The following STRN variants were observed in gnomAD, a reference collection of about 807,000 sequenced individuals.
STRN encodes the protein striatin.
In STRN, 53 loss-of-function variants were observed where a neutral mutation model predicts 96.3. That is an observed-to-expected ratio of 0.55 (90% CI 0.44 to 0.69). STRN has a LOEUF of 0.69. Ranked by LOEUF, STRN falls within the 30% of genes least tolerant of loss-of-function variation. The pLI, the probability that STRN is intolerant of heterozygous loss-of-function variation, is 0.00. For synonymous variants in STRN, 428 were observed against 355.9 expected, an observed-to-expected ratio of 1.20 and a Z score of -2.28; for missense variants, 987 against 963.9, an observed-to-expected ratio of 1.02 and a Z score of -0.32.
chr2:36,915,572 TA>T (rs2148217949), intron 3 of STRN, among the ~76,000 whole-genome samples: 1 of 152,310 alleles, frequency 6.6e-6, no homozygotes, highest in South Asian at 2.1e-4. Flanking sequence ...GTTCAGCTGT[TA>T]AAACATGTTC....
Position 36,844,257 on chromosome 2 carries a change from CTT to C in STRN, c.*5197_*5198del, listed in dbSNP as rs1010784646. On this transcript the variant is annotated 3_prime_UTR_variant, in exon 18 of 18. Transcript: ENST00000263918. ...GTATTGTTTTCTCACAAGAGGCAAA[CTT>C]CAGCCAAACAATGAAGAGATAGTAG... 1.3e-5 allele frequency: 2 copies of C among 152,148 alleles called. No individual in the cohort carries two copies. Among genetic ancestry groups the C allele is most frequent in the African/African-American group, 4.8e-5 (2 of 41,410 alleles). The allele number at this position is 152,148 out of a possible 1,614,324, so 9.4% of individuals were successfully genotyped here. A position where few individuals can be genotyped will look rare whatever the true frequency, so the allele number is the denominator to read the frequency against.
intron 13 of STRN, among the ~76,000 whole-genome samples, chr2:36,858,275 C>A (rs915687138): frequency 6.6e-6 from 1 of 151,948 alleles, no homozygotes; most frequent in East Asian, 1.9e-4. Flanking sequence ...TGAGTATTTC[C>A]TCCCCCTTCC....
rs528603487 is a variant in STRN at position 36,925,957 on chromosome 2, T to C, written c.235-749A>G. Among the ~76,000 whole-genome samples the C allele has an allele frequency of 9.2e-5, 14 of 152,260 alleles. 2 individuals are homozygous for C. The South Asian group carries it at 2.9e-3, about 32-fold the overall frequency. ...TCATATATTTAAATTTTATGACAGA[T>C]TCCTTAAGTGACTTTATTTTGGACC... On this transcript the variant is annotated intron_variant, in intron 1 of 17. Transcript: ENST00000263918.
chr2:36,870,715 G>A (rs1668740985), intron 10 of STRN, among the ~76,000 whole-genome samples: 1 of 152,108 alleles, frequency 6.6e-6, no homozygotes, highest in African/African-American at 2.4e-5. Context: ...GCTGTTACTG[G>A]TTTATGTTAT....
chr2:36,939,916 G>A (rs1670804031), intron 1 of STRN, among the ~76,000 whole-genome samples: 1 of 152,160 alleles, frequency 6.6e-6, no homozygotes, highest in Non-Finnish European at 1.5e-5. Context: ...AAAAGAACCT[G>A]AATCCATTCA....
chr2:36,869,626 G>A lies in STRN; in HGVS notation c.1427C>T (p.Pro476Leu). Residue 476 changes from proline (P) to leucine (L), a missense_variant, in exon 11 of 18, where the codon CCT becomes CTT. Transcript: ENST00000263918. ...IRALAFHPIE[P>L]VLITASEDHT... ...ATCCTCTGATGCTGTTATCAAAACAGGCTCAATGGGATGGAAAGCAAGGGC... is the reference window on the plus strand; with the variant it reads ...ATCCTCTGATGCTGTTATCAAAACAAGCTCAATGGGATGGAAAGCAAGGGC... 6.2e-7 allele frequency: 1 copy of A among 1,612,564 alleles called. No homozygotes were observed. The highest frequency in any genetic ancestry group is 8.5e-7 in the Non-Finnish European group (1 of 1,179,270).
At chr2:36,881,441 T>C (rs1008465815) in intron 9 of STRN, among the ~76,000 whole-genome samples, 1 of 152,152 alleles carries the variant, frequency 6.6e-6, no homozygotes, top group Non-Finnish European at 1.5e-5. Flanking sequence ...CCCTGCCTTC[T>C]GAATTATTAA....
intron 3 of STRN, among the ~76,000 whole-genome samples, chr2:36,913,842 T>G (rs1380503475): frequency 6.6e-6 from 1 of 152,202 alleles, no homozygotes. Flanking sequence ...ATTTCCTAGT[T>G]TACAGATCAG....
chr2:36,878,958 G>C (rs980582719), intron 9 of STRN, among the ~76,000 whole-genome samples: 3 of 151,842 alleles, frequency 2.0e-5, no homozygotes, highest in Admixed American at 6.6e-5. Flanking sequence ...TCACCATGTT[G>C]GCCAGGCTGG....
chr2:36,938,964 G>A (rs780033117), intron 1 of STRN, among the ~76,000 whole-genome samples: 3 of 151,698 alleles, frequency 2.0e-5, no homozygotes, highest in Non-Finnish European at 1.5e-5. Context: ...TTCTAAGTGT[G>A]TCAAGTTTTT....
intron 1 of STRN, among the ~76,000 whole-genome samples, chr2:36,928,332 AG>A (rs1448053859): frequency 6.6e-6 from 1 of 152,146 alleles, no homozygotes; most frequent in Non-Finnish European, 1.5e-5. Flanking sequence ...GAAGAAAAAA[AG>A]GGAAGGAAAA....
rs1430329921 is a variant in STRN, at chr2:36,966,490, C to A, written c.-27G>T. On this transcript the variant is annotated 5_prime_UTR_variant, in exon 1 of 18. Transcript: ENST00000263918. Reference sequence around the variant, plus strand: ...GCGGCCGCAGATACCCGGGGAGCTGCCCCGGCGCCCAGCAGCGGAGGCAAC... The same window carrying A: ...GCGGCCGCAGATACCCGGGGAGCTGACCCGGCGCCCAGCAGCGGAGGCAAC... 3 of 1,400,914 alleles carry A rather than the reference C, an allele frequency of 2.1e-6. No individual in the cohort carries two copies. The highest frequency in any genetic ancestry group is 2.8e-6 in the Non-Finnish European group (3 of 1,081,276). 86.8% of individuals were successfully genotyped at this position (1,400,914 alleles called of 1,614,324 possible).
chr2:36,934,769 T>C (rs1388113885), intron 1 of STRN, among the ~76,000 whole-genome samples: 1 of 152,148 alleles, frequency 6.6e-6, no homozygotes, highest in Non-Finnish European at 1.5e-5. Context: ...TCACACATCC[T>C]ATGTTCCAAT....
chr2:36,869,097 C>CA (rs1245672568), intron 11 of STRN, among the ~76,000 whole-genome samples: 3 of 152,110 alleles, frequency 2.0e-5, no homozygotes, highest in Admixed American at 6.5e-5. Context: ...GTCTCAAGGC[C>CA]AAAAGACAAG....
chr2:36,961,936 T>G (rs1240084163), intron 1 of STRN, among the ~76,000 whole-genome samples: 1 of 152,204 alleles, frequency 6.6e-6, no homozygotes, highest in Non-Finnish European at 1.5e-5. Context: ...TGTAGAAAGC[T>G]CTTTCCTCAC....
chr2:36,863,800 T>C (rs1167885393), intron 12 of STRN, among the ~76,000 whole-genome samples: 2 of 152,230 alleles, frequency 1.3e-5, no homozygotes, highest in Non-Finnish European at 2.9e-5. Flanking sequence ...ATGGAATGTT[T>C]TTCCATTTCT....
intron 1 of STRN, among the ~76,000 whole-genome samples, chr2:36,962,798 G>A (rs189076045): frequency 1.0e-3 from 159 of 152,172 alleles, no homozygotes; most frequent in African/African-American, 3.4e-3. Flanking sequence ...GTGAGCCACC[G>A]CGCCCGGCCT....
intron 14 of STRN, among the ~76,000 whole-genome samples, chr2:36,855,730 A>G (rs1004947142): frequency 6.6e-6 from 1 of 152,198 alleles, no homozygotes; most frequent in Non-Finnish European, 1.5e-5. Flanking sequence ...CTTATTAGGG[A>G]TGTTAGCTCA....
chr2:36,917,604 A>G lies in STRN; in HGVS notation c.339-1453T>C, dbSNP rs188632562. ...TGAAAAATTATTTGCTCAAATGTGT[A>G]AAATACTGAAATCTTTCTTATTTTG... On this transcript the variant is annotated intron_variant, in intron 2 of 17. Coordinates refer to ENST00000263918, the MANE Select transcript of STRN (RefSeq NM_003162.4). 2.0e-3 allele frequency among the ~76,000 whole-genome samples: 308 copies of G among 152,028 alleles called. 1 individual carries two copies. The highest frequency in any genetic ancestry group is 3.8e-3 in the Non-Finnish European group (258 of 67,918).
Sources: allele counts gnomAD v4.1 joint callset (sites outside exome capture counted in the v4.1 genomes callset), GRCh38; gene constraint gnomAD v4.1.1; transcripts MANE v1.5; gene names NCBI Gene and HGNC (gene_info 2026-07-23, HGNC 2026-07-21).